KCNC4: variants seen among roughly 807,000 people sequenced by gnomAD.
KCNC4 encodes the protein voltage-gated potassium channel KCNC4.
KCNC4 carries 23 observed loss-of-function variants against 42.8 expected under a neutral mutation model. The observed-to-expected ratio is 0.54, with a 90% confidence interval of 0.39 to 0.76. The LOEUF is 0.76. Ranked by LOEUF, KCNC4 falls within the 30% of genes least tolerant of loss-of-function variation. The probability of loss-of-function intolerance (pLI) is 0.00; values close to 1 mark genes in which losing one functional copy is unlikely to be tolerated. For synonymous variants in KCNC4, 422 were observed against 393.5 expected (o/e 1.07, Z -0.86); for missense variants, 751 against 898.2 (o/e 0.84, Z 2.10).
chr1:110,212,196 T>A lies in KCNC4; in HGVS notation c.678+19T>A. 1 of 1,455,862 alleles carries A rather than the reference T, an allele frequency of 6.9e-7. No homozygotes were observed. Among genetic ancestry groups the A allele is most frequent in the Non-Finnish European group, 8.9e-7 (1 of 1,119,580 alleles). The allele number at this position is 1,455,862 out of a possible 1,614,324, so 90.2% of individuals were successfully genotyped here. A position where few individuals can be genotyped will look rare whatever the true frequency, so the allele number is the denominator to read the frequency against. On this transcript the variant is annotated intron_variant, in intron 1 of 3. Coordinates refer to ENST00000438661, the MANE Select transcript of KCNC4 (RefSeq NM_001039574.3). ...CGCTAGGGTGAGTGGCAGGAGCCCG[T>A]GTCTCCCCATCTTGGGTCTGCAAGG... is the stretch of plus-strand genomic sequence containing the variant.
At chr1:110,255,676 C>A (rs1413818997) in intron 1 of KCNC4, among the ~76,000 whole-genome samples, 2 of 152,176 alleles carry the variant, frequency 1.3e-5, no homozygotes, top group Non-Finnish European at 2.9e-5. Context: ...GACAACCGAA[C>A]TTCCTCTCAG....
chr1:110,242,712 A>G (rs1659054800), exon 4 of KCNC4: 1 of 152,238 alleles, frequency 6.6e-6, no homozygotes, highest in South Asian at 2.1e-4. Context: ...TTGAGTGTTT[A>G]CGACCAGCCC....
At chr1:110,260,175 T>A (rs1659400233) in intron 1 of KCNC4, among the ~76,000 whole-genome samples, 1 of 152,204 alleles carries the variant, frequency 6.6e-6, no homozygotes, top group African/African-American at 2.4e-5. Context: ...TCCCTGAGAA[T>A]TAAAAATTTG....
chr1:110,246,036 TA>T (rs1366842613), exon 4 of KCNC4: 2 of 152,258 alleles, frequency 1.3e-5, no homozygotes, highest in African/African-American at 4.8e-5. Flanking sequence ...AGCCAGCTCT[TA>T]TCTCCATCCA....
At chr1:110,273,196 C>T (rs1659664708) in intron 1 of KCNC4, among the ~76,000 whole-genome samples, 1 of 152,134 alleles carries the variant, frequency 6.6e-6, no homozygotes, top group Non-Finnish European at 1.5e-5. Context: ...TGGTGTGGTC[C>T]CTAGAGAGAA....
chr1:110,258,069 T>C (rs1380990261), intron 1 of KCNC4, among the ~76,000 whole-genome samples: 3 of 152,208 alleles, frequency 2.0e-5, no homozygotes, highest in Non-Finnish European at 2.9e-5. Context: ...CTGGGCACAT[T>C]GCTATGCTAA....
At position 110,211,329 on chromosome 1, in the gene KCNC4, C is replaced by G. The variant is rs1459127872; in HGVS notation, c.-171C>G. The G allele has an allele frequency of 1.1e-5, 11 of 980,772 alleles. No homozygotes were observed. Among genetic ancestry groups the G allele is most frequent in the South Asian group, 5.2e-5 (3 of 58,094 alleles). The allele number at this position is 980,772 out of a possible 1,614,324, so 60.8% of individuals were successfully genotyped here. ...TGTACCGGAGAAATCCAACTCCTCC[C>G]GCTCCGCGTCCTAGGGGGATAGGCA... is the stretch of plus-strand genomic sequence containing the variant. On this transcript the variant is annotated 5_prime_UTR_variant, in exon 1 of 4. Transcript: ENST00000438661. The surrounding 1 kb of genome is among the most constrained non-coding windows in gnomAD (Gnocchi z 6.5).
chr1:110,268,432 C>A (rs201506531), intron 1 of KCNC4, among the ~76,000 whole-genome samples: 1 of 151,846 alleles, frequency 6.6e-6, no homozygotes, highest in Non-Finnish European at 1.5e-5. Flanking sequence ...ACGGTGAAAC[C>A]CCATCTCTAA....
At chr1:110,270,760 C>G (rs765161197) in intron 1 of KCNC4, among the ~76,000 whole-genome samples, 2 of 152,224 alleles carry the variant, frequency 1.3e-5, no homozygotes, top group Non-Finnish European at 2.9e-5. Flanking sequence ...CCCAACCACA[C>G]TGCATCAGAG....
At chr1:110,272,200 T>C (rs1659647859) in intron 1 of KCNC4, among the ~76,000 whole-genome samples, 1 of 152,212 alleles carries the variant, frequency 6.6e-6, no homozygotes, top group Non-Finnish European at 1.5e-5. Flanking sequence ...TCAGATCCTG[T>C]CTCAATGTTG....
At chr1:110,265,256 T>G (rs1319961214) in intron 1 of KCNC4, among the ~76,000 whole-genome samples, 2 of 151,964 alleles carry the variant, frequency 1.3e-5, no homozygotes, top group African/African-American at 4.8e-5. Flanking sequence ...AGGTTCTTCC[T>G]AGGCTAGAAG....
At chr1:110,227,234 A>G (rs1658444796) in intron 3 of KCNC4, among the ~76,000 whole-genome samples, 1 of 152,180 alleles carries the variant, frequency 6.6e-6, no homozygotes, top group Admixed American at 6.5e-5. Flanking sequence ...TGGCAGCTAC[A>G]GGAATAGCCT....
Position 110,223,209 on chromosome 1 carries a change from C to G in KCNC4, c.924C>G (p.Asp308Glu). The G allele has an allele frequency of 6.2e-7, 1 of 1,614,246 alleles. No homozygotes were observed. The highest frequency in any genetic ancestry group is 2.2e-5 in the East Asian group (1 of 44,884). Residue 308 changes from aspartate to glutamate, a missense_variant, in exon 2 of 4, where the codon GAC becomes GAG. Coordinates refer to ENST00000438661, the MANE Select transcript of KCNC4 (RefSeq NM_001039574.3). The surrounding 1 kb of genome is among the most constrained non-coding windows in gnomAD (Gnocchi z 7.5). ...VRIVCCPDTLDFVKNLLNIID... is the reference protein window; with the variant it reads ...VRIVCCPDTLEFVKNLLNIID... Reference sequence around the variant, plus strand: ...TCGTGTGCTGCCCCGACACGCTGGACTTCGTCAAGAACCTGCTCAACATCA... The same window carrying G: ...TCGTGTGCTGCCCCGACACGCTGGAGTTCGTCAAGAACCTGCTCAACATCA...
At chr1:110,281,227 G>A (rs1204636768) in intron 1 of KCNC4, among the ~76,000 whole-genome samples, 1 of 152,148 alleles carries the variant, frequency 6.6e-6, no homozygotes, top group Non-Finnish European at 1.5e-5. Context: ...AGAGGAGGGT[G>A]GTTTGCTGTG....
At chr1:110,238,558 C>G (rs1041102866), downstream of KCNC4, 1 of 152,170 alleles carries the variant, frequency 6.6e-6, no homozygotes, top group Non-Finnish European at 1.5e-5. Flanking sequence ...CCAGGTACTG[C>G]TCTACAACCT....
At chr1:110,238,251 T>G (rs1382628463), downstream of KCNC4, 1 of 152,196 alleles carries the variant, frequency 6.6e-6, no homozygotes, top group Non-Finnish European at 1.5e-5. Flanking sequence ...GAGCAGTGGT[T>G]AGCAAGCATA....
intron 1 of KCNC4, among the ~76,000 whole-genome samples, chr1:110,268,337 G>A (rs980478738): frequency 3.3e-5 from 5 of 152,188 alleles, no homozygotes; most frequent in South Asian, 4.1e-4. Flanking sequence ...GCCGGGTACC[G>A]TGGCTCACGC....
intron 1 of KCNC4, among the ~76,000 whole-genome samples, chr1:110,260,843 T>C (rs374519503): frequency 5.9e-5 from 9 of 152,148 alleles, no homozygotes; most frequent in African/African-American, 1.9e-4. Context: ...GGGAGGAGAA[T>C]GGTGTGAACC....
At chr1:110,238,472 T>C (rs1447514869), downstream of KCNC4, 1 of 152,194 alleles carries the variant, frequency 6.6e-6, no homozygotes, top group Non-Finnish European at 1.5e-5. Context: ...ACTTGTGTAG[T>C]TCCAGTTCAG....
Sources: gnomAD v4.1 joint callset for allele counts (sites outside exome capture counted in the v4.1 genomes callset) on GRCh38, gnomAD v4.1.1 for gene constraint, Gnocchi (gnomAD v3.1) non-coding constraint, MANE v1.5 for transcripts, NCBI Gene and HGNC (gene_info 2026-07-23, HGNC 2026-07-21) for gene names.